The following THOC1 variants were observed in gnomAD, a reference collection of about 807,000 sequenced individuals.
THOC1 encodes THO complex subunit 1.
In THOC1, 29 loss-of-function variants were observed where a neutral mutation model predicts 97.3. The observed-to-expected ratio is 0.30, with a 90% CI of 0.22 to 0.41. The LOEUF is 0.41. Ranked by LOEUF, THOC1 falls within the 10% of genes least tolerant of loss-of-function variation. The pLI is 1.00. For synonymous variants in THOC1, 255 were observed against 257.0 expected (o/e 0.99, Z 0.07); for missense variants, 529 against 761.9 (o/e 0.69, Z 3.60).
chr18:267,401 C>A (rs1488085955), intron 1 of THOC1, among the ~76,000 whole-genome samples: 1 of 152,132 alleles, frequency 6.6e-6, no homozygotes, highest in African/African-American at 2.4e-5. Flanking sequence ...TCAAAACCAC[C>A]CTTCCACATT....
rs1379975538 is a variant in THOC1 at position 215,518 on chromosome 18, AG to A, written c.1603-15del. 1.2e-6 allele frequency: 2 copies of A among 1,605,180 alleles called. No individual in the cohort carries two copies. The highest frequency in any genetic ancestry group is 2.2e-5 in the South Asian group (2 of 90,774). ...TTCAGAAGGAGGCTAAAAATGAGAA[AG>A]AAGAATGTTTGAAAGAATGCCAGCC... On this transcript the variant is annotated splice_polypyrimidine_tract_variant and intron_variant, in intron 19 of 20. Transcript: ENST00000261600.
At chr18:262,034 A>G (rs1912621524) in intron 4 of THOC1, among the ~76,000 whole-genome samples, 1 of 152,156 alleles carries the variant, frequency 6.6e-6, no homozygotes. Flanking sequence ...CCCAAACACC[A>G]TGCCATGTTC....
At chr18:248,608 C>A (rs1348530709) in intron 9 of THOC1, among the ~76,000 whole-genome samples, 1 of 151,980 alleles carries the variant, frequency 6.6e-6, no homozygotes, top group African/African-American at 2.4e-5. Context: ...CTAAGAAGCA[C>A]CAGTATGAGA....
chr18:218,387 A>G (rs1168932325), intron 18 of THOC1, among the ~76,000 whole-genome samples: 1 of 152,172 alleles, frequency 6.6e-6, no homozygotes, highest in Non-Finnish European at 1.5e-5. Flanking sequence ...AGAAGGTTCT[A>G]GATAAAGAGG....
chr18:224,431 T>C (rs1421367219), intron 15 of THOC1, among the ~76,000 whole-genome samples: 1 of 151,700 alleles, frequency 6.6e-6, no homozygotes, highest in Non-Finnish European at 1.5e-5. Context: ...ATACAAAAAT[T>C]AGCCAGGCAT....
rs1911228146 is a variant in THOC1, at chr18:224,920, T to TTAC, written c.1208+1_1208+3dup. The TTAC allele has an allele frequency of 7.7e-6, 12 of 1,565,338 alleles. No homozygotes were observed. The highest frequency in any genetic ancestry group is 1.0e-5 in the Non-Finnish European group (12 of 1,152,704). ...TATTTACCTTTCTTTCAGTATGTATTTACCTTTCTTTCACAAAACTTGGGC... is the reference window on the plus strand; with the variant it reads ...TATTTACCTTTCTTTCAGTATGTATTTACTACCTTTCTTTCACAAAACTTGGGC... On this transcript the variant is annotated splice_donor_region_variant and intron_variant, in intron 15 of 20. Coordinates refer to ENST00000261600, the MANE Select transcript of THOC1 (RefSeq NM_005131.3).
intron 7 of THOC1, among the ~76,000 whole-genome samples, chr18:258,391 A>G (rs768259195): frequency 6.6e-6 from 1 of 152,136 alleles, no homozygotes; most frequent in Non-Finnish European, 1.5e-5. Context: ...ATGATCACAG[A>G]CAGAAAGCCA....
intron 11 of THOC1, chr18:245,539 G>A (rs1743832265): frequency 6.6e-6 from 1 of 152,226 alleles, no homozygotes; most frequent in Non-Finnish European, 1.5e-5. Flanking sequence ...GCAGAAGACT[G>A]GCAATATTTT....
At chr18:247,252 A>G (rs547709509) in intron 10 of THOC1, among the ~76,000 whole-genome samples, 1 of 152,352 alleles carries the variant, frequency 6.6e-6, no homozygotes, top group East Asian at 1.9e-4. Flanking sequence ...TTTATCTTAG[A>G]TTTTAATTAT....
Position 214,818 on chromosome 18 carries a change from C to T in THOC1, c.1782G>A (p.Met594Ile). 1 of 1,613,924 alleles carries T rather than the reference C, an allele frequency of 6.2e-7. No individual in the cohort carries two copies. Among genetic ancestry groups the T allele is most frequent in the Non-Finnish European group, 8.5e-7 (1 of 1,179,860 alleles). Residue 594 changes from methionine (M) to isoleucine (I), a missense_variant, in exon 21 of 21, where the codon ATG becomes ATA. Around this residue, in one of 8 missense-constraint regions of THOC1, gnomAD observed 98 missense variants for 111.9 expected, o/e 0.88. Transcript: ENST00000261600. ...CAATCTGCCTAATTTCTGAGTCTTT[C>T]ATTTCCAAGTAGGGAGCCAGAATCT... ...QWKILAPYLE[M>I]KDSEIRQIEC...
chr18:257,831 G>A (rs1912483034), intron 7 of THOC1, among the ~76,000 whole-genome samples: 1 of 151,944 alleles, frequency 6.6e-6, no homozygotes, highest in Admixed American at 6.6e-5. Flanking sequence ...GGTAGAGAGA[G>A]ACAAACAGAT....
At chr18:232,564 C>G (rs949952769) in intron 11 of THOC1, among the ~76,000 whole-genome samples, 1 of 151,702 alleles carries the variant, frequency 6.6e-6, no homozygotes, top group Non-Finnish European at 1.5e-5. Flanking sequence ...ACATCATTTA[C>G]AAACAATGGT....
intron 11 of THOC1, chr18:244,748 T>C (rs561742545): frequency 6.6e-6 from 1 of 152,308 alleles, no homozygotes; most frequent in South Asian, 2.1e-4. Flanking sequence ...CTTCAATTCT[T>C]TGCAATCCAG....
At chr18:267,284 G>A (rs191812449) in intron 1 of THOC1, among the ~76,000 whole-genome samples, 1 of 152,150 alleles carries the variant, frequency 6.6e-6, no homozygotes, top group East Asian at 1.9e-4. Flanking sequence ...CTTTTTGGGG[G>A]GTGTCAGCTT....
At chr18:239,212 A>C (rs905588619) in intron 11 of THOC1, among the ~76,000 whole-genome samples, 4 of 152,256 alleles carry the variant, frequency 2.6e-5, no homozygotes, top group Middle Eastern at 3.2e-3. Context: ...AATATTCTAT[A>C]GGATTACAGA....
chr18:242,639 G>A lies in THOC1; in HGVS notation c.918+3685C>T, dbSNP rs1911948357. Among the ~76,000 whole-genome samples the A allele has an allele frequency of 6.6e-6, 1 of 152,158 alleles. No individual in the cohort carries two copies. ...AGCACTTTTCTAAACCTGCTCACCA[G>A]TGAAATGATAGGCTAAAGAGTTATG... On this transcript the variant is annotated intron_variant, in intron 11 of 20. Coordinates refer to ENST00000261600, the MANE Select transcript of THOC1 (RefSeq NM_005131.3). This position sits in a 1 kb window ranked among gnomAD's most constrained non-coding sequence, Gnocchi z 4.5.
chr18:260,830 C>T (rs1912582782), intron 4 of THOC1: 1 of 152,002 alleles, frequency 6.6e-6, no homozygotes, highest in Non-Finnish European at 1.5e-5. Flanking sequence ...TGGAAAAATG[C>T]TTATGATATA....
intron 1 of THOC1, among the ~76,000 whole-genome samples, chr18:266,808 T>C (rs919424708): frequency 2.6e-5 from 4 of 152,112 alleles, no homozygotes; most frequent in African/African-American, 9.7e-5. Context: ...AAGTACTGCA[T>C]TTACAGGCGT....
Position 232,457 on chromosome 18 carries a change from T to C in THOC1, c.919-5556A>G, listed in dbSNP as rs538888094. 2.0e-5 allele frequency among the ~76,000 whole-genome samples: 3 copies of C among 151,912 alleles called. No homozygotes were observed. The East Asian group carries it at 5.9e-4, about 30-fold the overall frequency. ...GCCAACCCCTGCTATAATTAATCCATTTTCAGTGCTTTATAGAACTGTCAC... is the reference window on the plus strand; with the variant it reads ...GCCAACCCCTGCTATAATTAATCCACTTTCAGTGCTTTATAGAACTGTCAC... On this transcript the variant is annotated intron_variant, in intron 11 of 20. Transcript: ENST00000261600.
Sources: allele counts gnomAD v4.1 joint callset (sites outside exome capture counted in the v4.1 genomes callset), GRCh38; gene constraint gnomAD v4.1.1; regional missense constraint gnomAD v4.1.1; non-coding constraint Gnocchi (gnomAD v3.1); transcripts MANE v1.5; gene names NCBI Gene and HGNC (gene_info 2026-07-23, HGNC 2026-07-21).